The following LARGE1 variants were observed in gnomAD, a reference collection of about 807,000 sequenced individuals.
LARGE1 encodes the protein xylosyl- and glucuronyltransferase LARGE1.
LARGE1 carries 43 observed loss-of-function variants against 87.6 expected under a neutral mutation model. The ratio of observed to expected loss-of-function variants is 0.49; its 90% CI spans 0.38 to 0.63. LARGE1 has a LOEUF of 0.63. LARGE1 is among the 30% of genes least tolerant of loss of function. The pLI is 0.00. For missense variants in LARGE1, 802 were observed against 1,000.2 expected (o/e 0.80, Z 2.67); for synonymous variants, 434 against 394.6 (o/e 1.10, Z -1.18).
At chr22:33,182,852 T>A (rs1923245374) in intron 11 of LARGE1, among the ~76,000 whole-genome samples, 1 of 152,088 alleles carries the variant, frequency 6.6e-6, no homozygotes, top group Non-Finnish European at 1.5e-5. Context: ...CCTGAAACCA[T>A]AAAATGCCTA....
At chr22:33,148,768 C>T in the LARGE1 span, among the ~76,000 whole-genome samples, 21 of 152,156 alleles carry the variant, frequency 1.4e-4, no homozygotes, top group South Asian at 2.1e-4. Context: ...TTTAGCTATT[C>T]TGGTAGGTGT....
chr22:33,816,400 G>C (rs1365081007), intron 1 of LARGE1, among the ~76,000 whole-genome samples: 2 of 152,160 alleles, frequency 1.3e-5, no homozygotes, highest in Non-Finnish European at 2.9e-5. Flanking sequence ...TCAGTGTCTG[G>C]TGAGAGTCTG....
intron 1 of LARGE1, among the ~76,000 whole-genome samples, chr22:33,817,928 G>C (rs891187067): frequency 6.6e-6 from 1 of 151,978 alleles, no homozygotes; most frequent in African/African-American, 2.4e-5. Context: ...AGGAGAGGGA[G>C]GAAAGGGGGA....
rs549405634 is a variant in LARGE1, at chr22:33,905,982, T to G, written c.-83+14013A>C. Among the ~76,000 whole-genome samples, 7 of 152,018 alleles carry G rather than the reference T, an allele frequency of 4.6e-5. No homozygotes were observed. The South Asian group carries it at 1.5e-3, about 32-fold the overall frequency. ...CCATCTCTACTAAAAATACAAAAATTAGCCAGACGTGGTGGCAGGCGCCTG... is the reference window on the plus strand; with the variant it reads ...CCATCTCTACTAAAAATACAAAAATGAGCCAGACGTGGTGGCAGGCGCCTG... On this transcript the variant is annotated intron_variant, in intron 1 of 14. Transcript: ENST00000397394.
At chr22:33,498,359 A>C (rs1433926690) in intron 6 of LARGE1, among the ~76,000 whole-genome samples, 1 of 152,196 alleles carries the variant, frequency 6.6e-6, no homozygotes, top group Non-Finnish European at 1.5e-5. Flanking sequence ...CTCTTAAAAT[A>C]ATCTCTACAA....
intron 7 of LARGE1, among the ~76,000 whole-genome samples, chr22:33,410,190 C>T (rs1304304154): frequency 6.6e-6 from 1 of 152,156 alleles, no homozygotes; most frequent in Non-Finnish European, 1.5e-5. Context: ...GTGATTCCAA[C>T]ATGCAGCCAT....
At chr22:33,643,671 C>T (rs1194166153) in intron 3 of LARGE1, among the ~76,000 whole-genome samples, 2 of 151,658 alleles carry the variant, frequency 1.3e-5, no homozygotes, top group Non-Finnish European at 2.9e-5. Context: ...ACTAGCTAGA[C>T]TAATAAAGAA....
the LARGE1 span, among the ~76,000 whole-genome samples, chr22:33,086,643 C>T: frequency 1.3e-5 from 2 of 151,090 alleles, no homozygotes; most frequent in Admixed American, 6.6e-5. Flanking sequence ...ACCTCTGCCT[C>T]CCGGGTTCAA....
downstream of LARGE1, among the ~76,000 whole-genome samples, chr22:33,157,833 C>T (rs141789903): frequency 3.3e-5 from 5 of 152,032 alleles, no homozygotes; most frequent in South Asian, 2.1e-4. Flanking sequence ...AAAGAAATTA[C>T]GAAATTCAGA....
intron 11 of LARGE1, among the ~76,000 whole-genome samples, chr22:33,189,839 C>T (rs144521820): frequency 1.5e-3 from 226 of 152,154 alleles, no homozygotes; most frequent in African/African-American, 4.9e-3. Flanking sequence ...AGTTAGGAGT[C>T]GAAGGTAAAC....
chr22:33,895,443 G>T (rs1350102011), intron 1 of LARGE1, among the ~76,000 whole-genome samples: 1 of 152,206 alleles, frequency 6.6e-6, no homozygotes, highest in Non-Finnish European at 1.5e-5. Context: ...CTATAGCTCA[G>T]TGTGAGCCTG....
chr22:33,724,625 TC>T lies in LARGE1; in HGVS notation c.106+36745del, dbSNP rs2083211531. Among the ~76,000 whole-genome samples the T allele has an allele frequency of 3.3e-5, 5 of 152,338 alleles. No homozygotes were observed. In the South Asian group the frequency reaches 8.3e-4, roughly 25 times the overall value. On this transcript the variant is annotated intron_variant, in intron 2 of 14. Transcript: ENST00000397394. Reference sequence around the variant, plus strand: ...GGCTATGGTACGGGAGACCCATTCCTCCCAGAAAATGGTGAACAAAGGCTCT... The same window carrying T: ...GGCTATGGTACGGGAGACCCATTCCTCCAGAAAATGGTGAACAAAGGCTCT...
chr22:33,663,056 A>T (rs75865237), intron 2 of LARGE1, among the ~76,000 whole-genome samples: 1 of 152,202 alleles, frequency 6.6e-6, no homozygotes, highest in Non-Finnish European at 1.5e-5. Flanking sequence ...AATGAAAAAA[A>T]AAATCACCTC....
intron 2 of LARGE1, among the ~76,000 whole-genome samples, chr22:33,672,617 C>T (rs558817675): frequency 4.6e-5 from 7 of 152,314 alleles, no homozygotes; most frequent in African/African-American, 1.7e-4. Context: ...GGTTGAGACA[C>T]ATTCTCTAAA....
chr22:33,918,670 TCC>T (rs1185066330), intron 1 of LARGE1, among the ~76,000 whole-genome samples: 2 of 152,224 alleles, frequency 1.3e-5, no homozygotes, highest in Non-Finnish European at 2.9e-5. Context: ...CACCACTTGT[TCC>T]CTTCTTAATT....
intron 6 of LARGE1, among the ~76,000 whole-genome samples, chr22:33,485,898 T>C (rs779800212): frequency 3.9e-5 from 6 of 152,184 alleles, no homozygotes; most frequent in Non-Finnish European, 7.3e-5. Flanking sequence ...GAATATAAGC[T>C]CCAGGTGGGC....
At chr22:33,470,965 A>G (rs74607750) in intron 6 of LARGE1, among the ~76,000 whole-genome samples, 1 of 151,566 alleles carries the variant, frequency 6.6e-6, no homozygotes, top group Non-Finnish European at 1.5e-5. Context: ...ATATATGATA[A>G]TGTTTGTAAA....
downstream of LARGE1, among the ~76,000 whole-genome samples, chr22:33,268,275 C>G (rs1928058622): frequency 6.6e-6 from 1 of 150,410 alleles, no homozygotes. Flanking sequence ...AAAATTCTTA[C>G]ATCGCCGTTT....
chr22:33,920,957 C>T (rs2065930952), upstream of LARGE1, among the ~76,000 whole-genome samples: 2 of 149,294 alleles, frequency 1.3e-5, no homozygotes, highest in South Asian at 4.1e-4. Flanking sequence ...CGGGCTGGCC[C>T]CGCCGCCTCC....
Sources: allele counts gnomAD v4.1 joint callset (sites outside exome capture counted in the v4.1 genomes callset), GRCh38; gene constraint gnomAD v4.1.1; transcripts MANE v1.5; gene names NCBI Gene and HGNC (gene_info 2026-07-23, HGNC 2026-07-21).